RIMS2: variants seen among roughly 807,000 people sequenced by gnomAD.
RIMS2 encodes the protein regulating synaptic membrane exocytosis protein 2.
In RIMS2, 59 loss-of-function variants were observed where a neutral mutation model predicts 174.4. The ratio of observed to expected loss-of-function variants is 0.34; its 90% CI spans 0.27 to 0.42. The LOEUF is 0.42. Ranked by LOEUF, RIMS2 falls within the 10% of genes least tolerant of loss-of-function variation. RIMS2 has a pLI of 1.00. For synonymous variants in RIMS2, 606 were observed against 572.5 expected (o/e 1.06, Z -0.84); for missense variants, 1,620 against 1,666.3 (o/e 0.97, Z 0.48).
intron 19 of RIMS2, among the ~76,000 whole-genome samples, chr8:104,136,880 T>G (rs1219341347): frequency 1.3e-5 from 2 of 152,084 alleles, no homozygotes; most frequent in Non-Finnish European, 2.9e-5. Flanking sequence ...TGAGATAATC[T>G]GTGCAACAAA....
chr8:103,829,684 A>T (rs751999993), intron 3 of RIMS2, among the ~76,000 whole-genome samples: 2 of 152,138 alleles, frequency 1.3e-5, no homozygotes, highest in Non-Finnish European at 2.9e-5. Flanking sequence ...AGAAGGGAAG[A>T]TTAGACACTG....
At position 103,795,432 on chromosome 8, in the gene RIMS2, G is replaced by T. The variant is rs189281500; in HGVS notation, c.698+28895G>T. On this transcript the variant is annotated intron_variant, in intron 3 of 23. Transcript: ENST00000504942. ...GGAACATCACACACTGGGGCATGTT[G>T]TGGGGTGGGGGGAGGCGGGAGGGAT... Among the ~76,000 whole-genome samples, 260 of 150,112 alleles carry T rather than the reference G, an allele frequency of 1.7e-3. 2 individuals are homozygous for T. Among genetic ancestry groups the T allele is most frequent in the African/African-American group, 6.0e-3 (241 of 40,470 alleles).
intron 19 of RIMS2, among the ~76,000 whole-genome samples, chr8:104,017,426 C>CTGTTATATATTTAGTCTGTTATA (rs1343606192): frequency 4.0e-5 from 6 of 151,806 alleles, no homozygotes; most frequent in Admixed American, 3.9e-4. Context: ...ATATATTTAG[C>CTGTTATATATTTAGTCTGTTATA]CATTTATCTT....
intron 19 of RIMS2, among the ~76,000 whole-genome samples, chr8:104,123,295 A>G (rs1316835839): frequency 6.6e-6 from 1 of 152,064 alleles, no homozygotes; most frequent in Non-Finnish European, 1.5e-5. Flanking sequence ...TCTAAAAAGC[A>G]TTTCTAATTA....
intron 19 of RIMS2, among the ~76,000 whole-genome samples, chr8:104,097,051 C>T (rs1479606726): frequency 6.6e-6 from 1 of 152,098 alleles, no homozygotes; most frequent in Non-Finnish European, 1.5e-5. Flanking sequence ...AACACAATCA[C>T]AGATTGTTTA....
At chr8:104,165,472 A>C (rs186284392) in intron 19 of RIMS2, among the ~76,000 whole-genome samples, 1 of 152,036 alleles carries the variant, frequency 6.6e-6, no homozygotes, top group African/African-American at 2.4e-5. Context: ...ATGTCATATA[A>C]ATATACTTTT....
intron 1 of RIMS2, among the ~76,000 whole-genome samples, chr8:103,596,740 AC>A (rs2094492350): frequency 6.6e-6 from 1 of 151,988 alleles, no homozygotes; most frequent in African/African-American, 2.4e-5. Context: ...CTGAAATTTA[AC>A]TTTTTTGTTA....
At chr8:103,634,784 C>T (rs1177118981) in intron 1 of RIMS2, among the ~76,000 whole-genome samples, 1 of 152,012 alleles carries the variant, frequency 6.6e-6, no homozygotes, top group Non-Finnish European at 1.5e-5. Flanking sequence ...CCTTCCTTGT[C>T]TTTTTTGATT....
At chr8:103,974,039 A>G (rs2093183617) in intron 15 of RIMS2, among the ~76,000 whole-genome samples, 1 of 152,100 alleles carries the variant, frequency 6.6e-6, no homozygotes, top group Admixed American at 6.5e-5. Context: ...TCTTACCTCA[A>G]AGTCAGACCA....
At chr8:103,687,887 G>A (rs555490402) in intron 1 of RIMS2, among the ~76,000 whole-genome samples, 21 of 58,056 alleles carry the variant, frequency 3.6e-4, no homozygotes, top group Middle Eastern at 7.1e-3. Flanking sequence ...TATATATACC[G>A]CATTTTTTTT....
chr8:104,212,643 TA>T (rs2137819780), intron 19 of RIMS2, among the ~76,000 whole-genome samples: 1 of 152,330 alleles, frequency 6.6e-6, no homozygotes, highest in African/African-American at 2.4e-5. Context: ...TAACTAAAAC[TA>T]AATCATGATT....
intron 3 of RIMS2, among the ~76,000 whole-genome samples, chr8:103,793,713 T>G (rs1385703020): frequency 1.3e-5 from 2 of 152,202 alleles, no homozygotes; most frequent in African/African-American, 4.8e-5. Context: ...CTCCTTAAGC[T>G]GATAAGCAAC....
intron 2 of RIMS2, among the ~76,000 whole-genome samples, chr8:103,733,569 G>C (rs1335342569): frequency 6.6e-6 from 1 of 152,186 alleles, no homozygotes; most frequent in Non-Finnish European, 1.5e-5. Context: ...ATGGTGGTGA[G>C]GCTTGTCTGA....
chr8:103,826,034 T>G (rs905296042), intron 3 of RIMS2, among the ~76,000 whole-genome samples: 8 of 152,140 alleles, frequency 5.3e-5, no homozygotes, highest in Non-Finnish European at 1.0e-4. Context: ...CTACAAGAAC[T>G]TTTTCATACT....
chr8:104,039,507 A>T (rs1052725146), intron 19 of RIMS2, among the ~76,000 whole-genome samples: 5 of 151,770 alleles, frequency 3.3e-5, no homozygotes, highest in Non-Finnish European at 7.4e-5. Flanking sequence ...AAAATACTAG[A>T]TGAAGAAAAA....
At chr8:103,737,175 C>CTTTTTTTTTTTTTTTTTT (rs554949027) in intron 2 of RIMS2, among the ~76,000 whole-genome samples, 11 of 67,528 alleles carry the variant, frequency 1.6e-4, no homozygotes, top group Non-Finnish European at 2.1e-4. Context: ...TTTCTTTGTT[C>CTTTTTTTTTTTTTTTTTT]TTTTTTTTTT....
chr8:104,118,376 T>TG (rs79975444), intron 19 of RIMS2, among the ~76,000 whole-genome samples: 2 of 148,068 alleles, frequency 1.4e-5, no homozygotes, highest in South Asian at 2.2e-4. Context: ...TTTTGTTTTT[T>TG]TTTTTTTTGA....
At chr8:103,993,068 C>T (rs556553589) in intron 17 of RIMS2, among the ~76,000 whole-genome samples, 1 of 152,142 alleles carries the variant, frequency 6.6e-6, no homozygotes, top group African/African-American at 2.4e-5. Flanking sequence ...GAGGCGAGAT[C>T]GCGCCACTGC....
At chr8:103,529,811 G>C (rs1173468943) in intron 1 of RIMS2, among the ~76,000 whole-genome samples, 1 of 152,164 alleles carries the variant, frequency 6.6e-6, no homozygotes, top group East Asian at 1.9e-4. Context: ...ATCCAATGTA[G>C]ATTCTATGTA....
Sources: gnomAD v4.1 joint callset for allele counts (sites outside exome capture counted in the v4.1 genomes callset) on GRCh38, gnomAD v4.1.1 for gene constraint, MANE v1.5 for transcripts, NCBI Gene and HGNC (gene_info 2026-07-23, HGNC 2026-07-21) for gene names.